Variants in RNF17 observed in about 807,000 individuals in gnomAD.
RNF17 encodes the protein ring finger protein 17, also known as spermatogenesis associated 23.
Under a neutral mutation model 200.5 loss-of-function variants are expected in RNF17, and 31 were observed. The observed-to-expected ratio is 0.15, with a 90% CI of 0.12 to 0.21. The LOEUF (loss-of-function observed/expected upper bound fraction) is 0.21. Ranked by LOEUF, RNF17 falls within the 10% of genes least tolerant of loss-of-function variation. The pLI is 1.00. For missense variants in RNF17, 1,628 were observed against 1,905.1 expected (o/e 0.85, Z 2.71); for synonymous variants, 606 against 637.8 (o/e 0.95, Z 0.75).
chr13:24,752,476 G>C, the RNF17 span, among the ~76,000 whole-genome samples: 1 of 152,252 alleles, frequency 6.6e-6, no homozygotes, highest in Admixed American at 6.5e-5. Context: ...AATGAGCCTG[G>C]TGGAGCAAGT....
chr13:24,804,459 G>C, intron 15 of RNF17, 30 bp downstream of exon 15: 1 of 1,537,936 alleles, frequency 6.5e-7, no homozygotes. Flanking sequence ...TTGAAATGAA[G>C]TTTTTAAAAA....
intron 18 of RNF17, among the ~76,000 whole-genome samples, chr13:24,836,813 A>G (rs947264698): frequency 7.8e-4 from 4 of 5,136 alleles, no homozygotes; most frequent in Admixed American, 7.2e-3. Context: ...GTTAAAAAGC[A>G]AAAACAAAAC....
At chr13:24,833,779 T>C (rs1403926614) in intron 18 of RNF17, among the ~76,000 whole-genome samples, 3 of 152,218 alleles carry the variant, frequency 2.0e-5, no homozygotes, top group Admixed American at 2.0e-4. Context: ...GTTCAAGACC[T>C]TTATAATAAA....
At chr13:24,851,096 G>A (rs1266118129) in intron 23 of RNF17, among the ~76,000 whole-genome samples, 1 of 152,168 alleles carries the variant, frequency 6.6e-6, no homozygotes, top group Non-Finnish European at 1.5e-5. Context: ...CCAGGTTCAA[G>A]AGCTTCTCCT....
Position 24,772,266 on chromosome 13 carries a change from T to C in RNF17, c.226-2547T>C, listed in dbSNP as rs80042361. On this transcript the variant is annotated intron_variant, in intron 2 of 35. Transcript: ENST00000255324. ...TATTACAGTAGTGTTATAATAGTCT[T>C]ATTAATTGGTGGAATAAATTTATGC... Among the ~76,000 whole-genome samples, 810 of 152,266 alleles carry C rather than the reference T, an allele frequency of 5.3e-3. 22 individuals carry two copies. In the East Asian group the frequency reaches 0.081, roughly 15 times the overall value.
At chr13:24,815,941 C>T (rs1391290505) in intron 15 of RNF17, among the ~76,000 whole-genome samples, 2 of 152,160 alleles carry the variant, frequency 1.3e-5, no homozygotes, top group East Asian at 3.8e-4. Flanking sequence ...GTTGCCCAGG[C>T]TGGAATGCAG....
At chr13:24,853,596 A>G (rs1013720217) in intron 24 of RNF17, among the ~76,000 whole-genome samples, 2 of 152,170 alleles carry the variant, frequency 1.3e-5, no homozygotes, top group African/African-American at 4.8e-5. Context: ...AATGCTTGAG[A>G]TATACATATG....
downstream of RNF17, chr13:24,883,102 A>C: frequency 7.7e-7 from 1 of 1,299,910 alleles, no homozygotes; most frequent in Non-Finnish European, 1.1e-6. Context: ...AATAAATTAA[A>C]CAGAATCCAC....
intron 15 of RNF17, among the ~76,000 whole-genome samples, chr13:24,825,342 A>G (rs930008834): frequency 4.6e-5 from 7 of 152,336 alleles, no homozygotes; most frequent in African/African-American, 1.7e-4. Flanking sequence ...TGGTAAAAAC[A>G]TATACAGTGA....
intron 15 of RNF17, among the ~76,000 whole-genome samples, chr13:24,820,549 C>T (rs945477095): frequency 5.9e-5 from 9 of 152,122 alleles, no homozygotes; most frequent in East Asian, 1.9e-4. Context: ...AATTCTTCTG[C>T]GTCAGCCTCT....
chr13:24,768,539 C>T (rs1880134657), intron 2 of RNF17, among the ~76,000 whole-genome samples: 1 of 152,138 alleles, frequency 6.6e-6, no homozygotes, highest in East Asian at 1.9e-4. Flanking sequence ...CCACCTCGGC[C>T]TCCCAAAGTG....
At position 24,799,472 on chromosome 13, in the gene RNF17, G is replaced by T. The variant is rs1884985791; in HGVS notation, c.1477G>T (p.Gly493Cys). 6.2e-7 allele frequency: 1 copy of T among 1,609,602 alleles called. No individual in the cohort carries two copies. The highest frequency in any genetic ancestry group is 8.5e-7 in the Non-Finnish European group (1 of 1,176,488). Residue 493 changes from glycine (G) to cysteine (C), a missense_variant, in exon 12 of 36, where the codon GGT becomes TGT. Coordinates refer to ENST00000255324, the MANE Select transcript of RNF17 (RefSeq NM_031277.3). ...GTITELIPIE[G>C]RNTRKPCSPT... Reference sequence around the variant, plus strand: ...TATCACAGAATTAATTCCAATAGAGGGTAGAAATACCAGAAAACCTTGTAG... The same window carrying T: ...TATCACAGAATTAATTCCAATAGAGTGTAGAAATACCAGAAAACCTTGTAG...
chr13:24,809,576 C>A (rs1390049827), intron 15 of RNF17, among the ~76,000 whole-genome samples: 1 of 151,790 alleles, frequency 6.6e-6, no homozygotes, highest in African/African-American at 2.4e-5. Context: ...TTTTGTTGAT[C>A]CTTTCAAAAA....
intron 23 of RNF17, 98 bp from the exon 24 acceptor site, chr13:24,851,358 T>C: frequency 1.2e-6 from 1 of 834,968 alleles, no homozygotes; most frequent in Non-Finnish European, 2.0e-6. Context: ...TATTTCTTGC[T>C]TAGAGAAATG....
chr13:24,875,837 A>G (rs1894800000), intron 33 of RNF17, among the ~76,000 whole-genome samples: 1 of 152,230 alleles, frequency 6.6e-6, no homozygotes. Context: ...GGAAAGCCAA[A>G]GAATGACAAC....
chr13:24,818,441 C>T (rs944681871), intron 15 of RNF17, among the ~76,000 whole-genome samples: 10 of 152,068 alleles, frequency 6.6e-5, no homozygotes, highest in African/African-American at 2.4e-4. Flanking sequence ...CTTATTGATA[C>T]TCTGTCTGGA....
chr13:24,766,813 A>C (rs542334642), intron 1 of RNF17, among the ~76,000 whole-genome samples: 1 of 152,352 alleles, frequency 6.6e-6, no homozygotes, highest in African/African-American at 2.4e-5. Context: ...GGCAGATTCA[A>C]AGTATTCTAG....
chr13:24,867,838 T>G (rs1893789687), intron 30 of RNF17, among the ~76,000 whole-genome samples: 1 of 151,310 alleles, frequency 6.6e-6, no homozygotes, highest in South Asian at 2.1e-4. Context: ...TTTTTGATGA[T>G]TTTAACTTAA....
intron 4 of RNF17, among the ~76,000 whole-genome samples, chr13:24,778,742 A>T (rs1881934205): frequency 6.6e-6 from 1 of 152,194 alleles, no homozygotes; most frequent in South Asian, 2.1e-4. Flanking sequence ...CACTTATTTT[A>T]ATGGCAACCA....
Sources: gnomAD v4.1 joint callset for allele counts (sites outside exome capture counted in the v4.1 genomes callset) on GRCh38, gnomAD v4.1.1 for gene constraint, MANE v1.5 for transcripts, NCBI Gene and HGNC (gene_info 2026-07-23, HGNC 2026-07-21) for gene names.